The following ENPEP variants were observed in gnomAD, a reference collection of about 807,000 sequenced individuals.
ENPEP encodes the protein AP-A.
A neutral mutation model predicts 114.5 loss-of-function variants in ENPEP; 103 were observed. The ratio of observed to expected loss-of-function variants is 0.90; its 90% CI spans 0.77 to 1.06. The LOEUF (loss-of-function observed/expected upper bound fraction) is 1.06. Among genes scored for constraint, ENPEP ranks in the 50% least tolerant of loss-of-function variants. The pLI is 0.00. For missense variants in ENPEP, 1,196 were observed against 1,161.3 expected, an observed-to-expected ratio of 1.03 and a Z score of -0.43; for synonymous variants, 420 against 422.0, an observed-to-expected ratio of 1.00 and a Z score of 0.06.
At chr4:110,514,082 T>G (rs1459586708) in intron 7 of ENPEP, among the ~76,000 whole-genome samples, 1 of 152,158 alleles carries the variant, frequency 6.6e-6, no homozygotes, top group Non-Finnish European at 1.5e-5. Flanking sequence ...GCTGGAAATC[T>G]GTAACTCCAA....
chr4:110,514,873 G>T (rs1026161569), intron 7 of ENPEP, among the ~76,000 whole-genome samples: 2 of 152,064 alleles, frequency 1.3e-5, no homozygotes, highest in Non-Finnish European at 2.9e-5. Context: ...AGAAGAGAAA[G>T]ATTATATGCC....
At position 110,543,075 on chromosome 4, in the gene ENPEP, G is replaced by T. The variant is rs765993062; in HGVS notation, c.2000+5G>T. 1 of 1,611,156 alleles carries T rather than the reference G, an allele frequency of 6.2e-7. No individual in the cohort carries two copies. Among genetic ancestry groups the T allele is most frequent in the Non-Finnish European group, 8.5e-7 (1 of 1,177,778 alleles). The stretch of plus-strand genomic sequence containing the variant: ...TGATGCTTTTGCCTTGGCAAGGTGC[G>T]TTTTAGAATGAGACTAAATTACTTA... On this transcript the variant is annotated splice_donor_5th_base_variant and intron_variant, in intron 13 of 19. Coordinates refer to ENST00000265162, the MANE Select transcript of ENPEP (RefSeq NM_001977.4).
rs1727158170 is a variant in ENPEP at position 110,548,320 on chromosome 4, G to C, written c.2145G>C (p.Met715Ile). The C allele has an allele frequency of 6.3e-7, 1 of 1,577,562 alleles. No individual in the cohort carries two copies. The highest frequency in any genetic ancestry group is 8.6e-7 in the Non-Finnish European group (1 of 1,163,960). The change falls in exon 14 of 20, where the codon ATG becomes ATC. Residue 715 changes from methionine (M) to isoleucine (I), a missense_variant. Transcript: ENST00000265162. ...AAGATGATAAAGAGCTATATCCTAT[G>C]ATTGAGGTGACGTTAATGCTATGGT... is the stretch of plus-strand genomic sequence containing the variant. ...MFEDDKELYP[M>I]IEEYFQGQVK...
At chr4:110,533,290 C>T (rs1057303873) in intron 11 of ENPEP, 1 of 240,064 alleles carries the variant, frequency 4.2e-6, no homozygotes. Flanking sequence ...AGACATTGTT[C>T]TAATATGTGT....
chr4:110,546,025 T>C (rs1727041578), intron 13 of ENPEP, among the ~76,000 whole-genome samples: 1 of 151,904 alleles, frequency 6.6e-6, no homozygotes, highest in Non-Finnish European at 1.5e-5. Flanking sequence ...CTCTCCTGAG[T>C]CTTAATTAGA....
At chr4:110,487,861 AT>A (rs1264422438) in intron 1 of ENPEP, among the ~76,000 whole-genome samples, 1 of 152,174 alleles carries the variant, frequency 6.6e-6, no homozygotes, top group Non-Finnish European at 1.5e-5. Context: ...AAACATTAAC[AT>A]TTTAGTTTAC....
intron 13 of ENPEP, among the ~76,000 whole-genome samples, chr4:110,545,317 G>A (rs1190019583): frequency 1.3e-5 from 2 of 152,036 alleles, no homozygotes; most frequent in Non-Finnish European, 2.9e-5. Flanking sequence ...CTACTGCCCT[G>A]GCTGGGCATA....
intron 3 of ENPEP, among the ~76,000 whole-genome samples, chr4:110,504,542 A>G (rs2110348820): frequency 6.6e-6 from 1 of 152,190 alleles, no homozygotes; most frequent in East Asian, 1.9e-4. Flanking sequence ...CTGCTTGGTG[A>G]AGAGCTGACC....
chr4:110,536,585 C>T (rs1273702449), intron 11 of ENPEP, among the ~76,000 whole-genome samples: 1 of 152,196 alleles, frequency 6.6e-6, no homozygotes, highest in African/African-American at 2.4e-5. Flanking sequence ...GTGTGGTAAA[C>T]AACTAGTAGG....
chr4:110,518,783 A>G (rs1027810761), intron 8 of ENPEP, among the ~76,000 whole-genome samples: 7 of 152,204 alleles, frequency 4.6e-5, no homozygotes, highest in South Asian at 2.1e-4. Context: ...GCTTTATTAA[A>G]TAATATTTAA....
Position 110,476,785 on chromosome 4 carries a change from A to T in ENPEP, c.371A>T (p.Asn124Ile). The T allele has an allele frequency of 6.2e-7, 1 of 1,614,122 alleles. No homozygotes were observed. Among genetic ancestry groups the T allele is most frequent in the Non-Finnish European group, 8.5e-7 (1 of 1,180,018 alleles). Residue 124 changes from asparagine to isoleucine, a missense_variant, in exon 1 of 20, where the codon AAC (asparagine) becomes ATC (isoleucine). By Grantham distance (149) the Asn-to-Ile change is moderately radical. Coordinates refer to ENST00000265162, the MANE Select transcript of ENPEP (RefSeq NM_001977.4). ...ACGGGCACCGTGAGCATCTCCATCAACCTGAGCGCTCCCACCCGGTACCTG... is the reference window on the plus strand; with the variant it reads ...ACGGGCACCGTGAGCATCTCCATCATCCTGAGCGCTCCCACCCGGTACCTG... Reference protein sequence around the residue: ...TYTGTVSISINLSAPTRYLWL... With the variant: ...TYTGTVSISIILSAPTRYLWL...
At chr4:110,515,501 A>G (rs1030348055) in intron 8 of ENPEP, 59 bp downstream of exon 8, 4 of 1,329,248 alleles carry the variant, frequency 3.0e-6, no homozygotes, top group Non-Finnish European at 2.1e-6. Context: ...GTGGCTGGTG[A>G]ATGTTAAGAT....
In ENPEP at chr4:110,559,376, G is replaced by GAA. The variant is rs33940498; in HGVS notation, c.2643-260_2643-259dup. Among the ~76,000 whole-genome samples, 203 of 140,436 alleles carry GAA rather than the reference G, an allele frequency of 1.4e-3. 1 individual carries two copies. Among genetic ancestry groups the GAA allele is most frequent in the African/African-American group, 4.5e-3 (174 of 38,626 alleles). The allele number at this position is 140,436 out of a possible 152,430, so 92.1% of individuals were successfully genotyped here. ...CTCTAGCAGGGCGCTCATGTGTGCA[G>GAA]AAAAAAAAAAAACAGATTTGGGGAC... On this transcript the variant is annotated intron_variant, in intron 18 of 19. Transcript: ENST00000265162.
intron 3 of ENPEP, among the ~76,000 whole-genome samples, chr4:110,495,604 C>T (rs892559277): frequency 6.6e-6 from 1 of 152,020 alleles, no homozygotes; most frequent in East Asian, 1.9e-4. Context: ...GCCTGTAATC[C>T]CAGCTACTCG....
chr4:110,506,537 C>G, intron 3 of ENPEP, 100 bp from the exon 4 acceptor site: 3 of 1,302,198 alleles, frequency 2.3e-6, no homozygotes, highest in Non-Finnish European at 2.0e-6. Context: ...ATATCTGGCT[C>G]CAAAGCCCAC....
chr4:110,478,900 T>G (rs1327648961), intron 1 of ENPEP, among the ~76,000 whole-genome samples: 1 of 152,250 alleles, frequency 6.6e-6, no homozygotes, highest in Non-Finnish European at 1.5e-5. Context: ...TATGTGCATC[T>G]GTTTATTTCC....
chr4:110,513,389 T>C (rs768386557), intron 6 of ENPEP, 26 bp from the exon 7 acceptor site: 5 of 1,605,722 alleles, frequency 3.1e-6, no homozygotes, highest in African/African-American at 1.3e-5. Flanking sequence ...AATACTATAT[T>C]CCTTTGGCTC....
chr4:110,519,643 CAT>C, intron 8 of ENPEP: 1 of 170,208 alleles, frequency 5.9e-6, no homozygotes, highest in African/African-American at 4.2e-5. Context: ...CCACCACCAT[CAT>C]CATCATTATT....
intron 1 of ENPEP, among the ~76,000 whole-genome samples, chr4:110,487,836 A>G (rs1724559488): frequency 1.3e-5 from 2 of 152,300 alleles, no homozygotes; most frequent in South Asian, 2.1e-4. Flanking sequence ...TTCACCTTGA[A>G]ATTATGAAAA....
Sources: gnomAD v4.1 joint callset for allele counts (sites outside exome capture counted in the v4.1 genomes callset) on GRCh38, gnomAD v4.1.1 for gene constraint, MANE v1.5 for transcripts, NCBI Gene and HGNC (gene_info 2026-07-23, HGNC 2026-07-21) for gene names.